TRIML2: variants seen among roughly 807,000 people sequenced by gnomAD.
TRIML2 encodes tripartite motif family like 2.
TRIML2 carries 28 observed loss-of-function variants against 31.2 expected under a neutral mutation model. The observed-to-expected ratio is 0.90, with a 90% CI of 0.66 to 1.23. TRIML2 has a LOEUF of 1.23. TRIML2 is among the 50% of genes most tolerant of loss of function. The pLI is 0.00. For synonymous variants in TRIML2, 187 were observed against 197.5 expected, an observed-to-expected ratio of 0.95 and a Z score of 0.45; for missense variants, 536 against 528.3, an observed-to-expected ratio of 1.01 and a Z score of -0.14.
At position 188,099,563 on chromosome 4, in the gene TRIML2, CAAA is replaced by C. The variant is rs199949049; in HGVS notation, c.481-391_481-389del. 8.5e-3 allele frequency among the ~76,000 whole-genome samples: 1,023 copies of C among 121,030 alleles called. 18 individuals carry two copies. Among genetic ancestry groups the C allele is most frequent in the Non-Finnish European group, 6.9e-3 (393 of 57,030 alleles). 79.4% of individuals were successfully genotyped at this position (121,030 alleles called of 152,430 possible). On this transcript the variant is annotated intron_variant, in intron 4 of 7. Coordinates refer to ENST00000682553, the MANE Select transcript of TRIML2 (RefSeq NM_173553.4). ...TGAATGACAGAGCAAGACTCCAAAT[CAAA>C]AAAAAAAACCAAAACCAAAACCAAA...
intron 1 of TRIML2, chr4:188,105,995 C>G (rs1431534177): frequency 6.6e-6 from 1 of 152,128 alleles, no homozygotes; most frequent in Non-Finnish European, 1.5e-5. Context: ...GGGACTACAG[C>G]TGGGACAAAA....
In TRIML2 at chr4:188,093,871, G is replaced by A. The variant is rs572282521; in HGVS notation, c.746-1930C>T. 1.3e-4 allele frequency among the ~76,000 whole-genome samples: 20 copies of A among 152,016 alleles called. No homozygotes were observed. In the South Asian group the frequency reaches 2.7e-3, roughly 20 times the overall value. On this transcript the variant is annotated intron_variant, in intron 7 of 7. Transcript: ENST00000682553. ...TTTAATCCCAGCACTTTGGGAACCTGAGGCAGGCAGATCACGAGGTTGGGA... is the reference window on the plus strand; with the variant it reads ...TTTAATCCCAGCACTTTGGGAACCTAAGGCAGGCAGATCACGAGGTTGGGA...
intron 3 of TRIML2, among the ~76,000 whole-genome samples, chr4:188,103,052 G>A (rs541930435): frequency 2.2e-4 from 26 of 119,020 alleles, no homozygotes; most frequent in Admixed American, 1.0e-3. Flanking sequence ...TCGCTCTGTC[G>A]CCCAGGCTGG....
At chr4:188,106,399 G>A (rs1734041667) in intron 1 of TRIML2, among the ~76,000 whole-genome samples, 1 of 152,244 alleles carries the variant, frequency 6.6e-6, no homozygotes, top group Non-Finnish European at 1.5e-5. Context: ...TTGCAAAACA[G>A]TGAAGCCAAA....
intron 6 of TRIML2, 77 bp from the exon 7 acceptor site, chr4:188,097,238 C>A (rs939604874): frequency 2.5e-6 from 4 of 1,592,964 alleles, no homozygotes; most frequent in Non-Finnish European, 3.4e-6. Context: ...CCATTACATC[C>A]TACCAGCAAA....
chr4:188,097,212 G>C (rs1733557294), intron 6 of TRIML2, 51 bp from the exon 7 acceptor site: 2 of 1,594,168 alleles, frequency 1.3e-6, no homozygotes, highest in Non-Finnish European at 1.7e-6. Context: ...AGGCCCCTTA[G>C]TCTACTGGAT....
At chr4:188,108,368 C>T (rs1034239567) in intron 1 of TRIML2, among the ~76,000 whole-genome samples, 1 of 152,198 alleles carries the variant, frequency 6.6e-6, no homozygotes, top group East Asian at 1.9e-4. Flanking sequence ...TGGCTCTCTT[C>T]CCCCAAACTC....
In TRIML2 at chr4:188,093,998, G is replaced by A. The variant is rs573651650; in HGVS notation, c.746-2057C>T. Among the ~76,000 whole-genome samples the A allele has an allele frequency of 3.3e-5, 5 of 152,144 alleles. No homozygotes were observed. In the East Asian group the frequency reaches 5.8e-4, roughly 18 times the overall value. Reference sequence around the variant, plus strand: ...CTCAGCTACTCGGGAGGTTGAGGCAGGAGAATCGTTTGAATCTGGGAGGAG... The same window carrying A: ...CTCAGCTACTCGGGAGGTTGAGGCAAGAGAATCGTTTGAATCTGGGAGGAG... On this transcript the variant is annotated intron_variant, in intron 7 of 7. Coordinates refer to ENST00000682553, the MANE Select transcript of TRIML2 (RefSeq NM_173553.4).
chr4:188,104,936 T>C lies in TRIML2; in HGVS notation c.190-4A>G, dbSNP rs777369731. 4 of 1,611,372 alleles carry C rather than the reference T, an allele frequency of 2.5e-6. No individual in the cohort carries two copies. The South Asian group carries it at 3.3e-5, about 13-fold the overall frequency. ...TCAATATTTCCTGGAATAACTTCTA[T>C]AGAGAAAGCACAGAATTCCAGGTGA... On this transcript the variant is annotated splice_polypyrimidine_tract_variant and splice_region_variant and intron_variant, in intron 2 of 7. Transcript: ENST00000682553.
At chr4:188,102,975 C>T (rs962853607) in intron 3 of TRIML2, among the ~76,000 whole-genome samples, 1 of 150,840 alleles carries the variant, frequency 6.6e-6, no homozygotes, top group Non-Finnish European at 1.5e-5. Context: ...TCCCTTTGCA[C>T]GTCTCTCCAC....
intron 5 of TRIML2, chr4:188,098,659 A>G (rs1246957653): frequency 9.9e-6 from 2 of 202,628 alleles, no homozygotes; most frequent in Non-Finnish European, 2.0e-5. Context: ...GATCAAACAA[A>G]AAGCAGTCTG....
chr4:188,101,046 A>T lies in TRIML2; in HGVS notation c.480+10T>A, dbSNP rs1260882067. The stretch of plus-strand genomic sequence containing the variant: ...TCTCAAATATGAGGATGTTGTTTTC[A>T]ATATCTCACCTGTAGCATTTCCTGG... On this transcript the variant is annotated intron_variant, in intron 4 of 7. Transcript: ENST00000682553. 1 of 1,578,840 alleles carries T rather than the reference A, an allele frequency of 6.3e-7. No homozygotes were observed. The highest frequency in any genetic ancestry group is 1.2e-5 in the South Asian group (1 of 86,596).
chr4:188,092,007 C>T (rs772439147), intron 7 of TRIML2, 66 bp from the exon 8 acceptor site: 268 of 1,503,810 alleles, frequency 1.8e-4, no homozygotes, highest in Non-Finnish European at 2.3e-4. Context: ...GACATGATTT[C>T]TAACACACCT....
intron 3 of TRIML2, among the ~76,000 whole-genome samples, chr4:188,102,582 G>A (rs1477904929): frequency 3.3e-5 from 5 of 151,950 alleles, no homozygotes; most frequent in Non-Finnish European, 5.9e-5. Flanking sequence ...AAATTGTCCG[G>A]GCTCACGTCT....
chr4:188,105,466 C>T lies in TRIML2; in HGVS notation c.-98G>A. ...AAAAAATGGTGGCTTCCTTTGTTTT[C>T]TGGAGCAGGCACACACACTTGGCAA... On this transcript the variant is annotated 5_prime_UTR_variant, in exon 2 of 8. Transcript: ENST00000682553. 1.1e-6 allele frequency: 1 copy of T among 880,062 alleles called. No individual in the cohort carries two copies. The highest frequency in any genetic ancestry group is 2.7e-5 in the East Asian group (1 of 37,236). 54.5% of individuals were successfully genotyped at this position (880,062 alleles called of 1,614,324 possible). A position where few individuals can be genotyped will look rare whatever the true frequency, so the allele number is the denominator to read the frequency against.
intron 7 of TRIML2, among the ~76,000 whole-genome samples, chr4:188,095,687 A>G (rs1325986861): frequency 6.6e-6 from 1 of 152,198 alleles, no homozygotes; most frequent in Non-Finnish European, 1.5e-5. Flanking sequence ...AATTTGGAAA[A>G]CAAGTTTGGC....
chr4:188,106,386 G>A (rs1734041173), intron 1 of TRIML2, among the ~76,000 whole-genome samples: 1 of 152,258 alleles, frequency 6.6e-6, no homozygotes, highest in African/African-American at 2.4e-5. Flanking sequence ...CAATTAAAGA[G>A]ATTTGCAAAA....
chr4:188,092,953 C>T, intron 7 of TRIML2: 1 of 450,726 alleles, frequency 2.2e-6, no homozygotes, highest in South Asian at 1.6e-5. Flanking sequence ...TCCTTCACTG[C>T]CCCCAGGTAA....
intron 7 of TRIML2, among the ~76,000 whole-genome samples, chr4:188,094,636 C>T (rs1020462672): frequency 6.6e-6 from 1 of 152,086 alleles, no homozygotes; most frequent in African/African-American, 2.4e-5. Context: ...AAATCGAAGA[C>T]CTAAATAAAT....
Sources: gnomAD v4.1 joint callset for allele counts (sites outside exome capture counted in the v4.1 genomes callset) on GRCh38, gnomAD v4.1.1 for gene constraint, MANE v1.5 for transcripts, NCBI Gene and HGNC (gene_info 2026-07-23, HGNC 2026-07-21) for gene names.